Variants in COL19A1 observed in about 807,000 individuals in gnomAD.
The protein encoded by COL19A1 is collagen type XIX alpha 1 chain.
In COL19A1, 159 loss-of-function variants were observed where a neutral mutation model predicts 190.2. The ratio of observed to expected loss-of-function variants is 0.84; its 90% CI spans 0.73 to 0.95. The LOEUF is 0.95. Among genes scored for constraint, COL19A1 ranks in the 40% least tolerant of loss-of-function variants. The pLI, the probability that COL19A1 is intolerant of heterozygous loss-of-function variation, is 0.00. For missense variants in COL19A1, 1,418 were observed against 1,431.9 expected, an observed-to-expected ratio of 0.99 and a Z score of 0.16; for synonymous variants, 509 against 458.9, an observed-to-expected ratio of 1.11 and a Z score of -1.39.
chr6:70,146,923 C>T lies in COL19A1; in HGVS notation c.1893+34C>T, dbSNP rs375358018. On this transcript the variant is annotated intron_variant, in intron 27 of 50. Coordinates refer to ENST00000620364, the MANE Select transcript of COL19A1 (RefSeq NM_001858.6). ...AATTCATTCGAGTCCTTGTTGATTC[C>T]AACATTGTGAAACAAAATCCAGTGT... 1.7e-4 allele frequency: 253 copies of T among 1,512,392 alleles called. 1 individual carries two copies. The highest frequency in any genetic ancestry group is 2.2e-4 in the Non-Finnish European group (250 of 1,129,316). The allele number at this position is 1,512,392 out of a possible 1,614,324, so 93.7% of individuals were successfully genotyped here.
chr6:70,189,238 A>G (rs1438147691), intron 47 of COL19A1, among the ~76,000 whole-genome samples: 2 of 152,212 alleles, frequency 1.3e-5, no homozygotes. Context: ...ATTATCACAT[A>G]TCTACACACA....
chr6:69,997,439 G>T (rs1776987668), intron 11 of COL19A1, among the ~76,000 whole-genome samples: 1 of 152,162 alleles, frequency 6.6e-6, no homozygotes, highest in Non-Finnish European at 1.5e-5. Flanking sequence ...ATTTAGCAAA[G>T]ACTTTACAGA....
At chr6:70,182,651 A>T (rs1020734632) in intron 44 of COL19A1, among the ~76,000 whole-genome samples, 5 of 152,172 alleles carry the variant, frequency 3.3e-5, no homozygotes, top group Non-Finnish European at 5.9e-5. Flanking sequence ...ATGTCAAGTG[A>T]ACTGTTTTAA....
At chr6:70,010,553 G>C (rs913717319) in intron 11 of COL19A1, among the ~76,000 whole-genome samples, 1 of 142,070 alleles carries the variant, frequency 7.0e-6, no homozygotes, top group Non-Finnish European at 1.5e-5. Context: ...CCTGGGAAGC[G>C]CAAGGGGTCA....
At chr6:69,985,324 A>G (rs956598735) in intron 11 of COL19A1, among the ~76,000 whole-genome samples, 1 of 152,170 alleles carries the variant, frequency 6.6e-6, no homozygotes, top group Non-Finnish European at 1.5e-5. Flanking sequence ...CCAAACATGA[A>G]AGCAGCATCA....
At chr6:70,053,672 A>G (rs1273925756) in intron 14 of COL19A1, among the ~76,000 whole-genome samples, 1 of 152,204 alleles carries the variant, frequency 6.6e-6, no homozygotes, top group East Asian at 1.9e-4. Context: ...TATAATTCCC[A>G]TAGAAATGAA....
At chr6:70,028,468 C>T (rs111803112) in intron 12 of COL19A1, among the ~76,000 whole-genome samples, 1 of 152,074 alleles carries the variant, frequency 6.6e-6, no homozygotes, top group African/African-American at 2.4e-5. Flanking sequence ...GTCTGGGCAT[C>T]GTGACAACTT....
intron 15 of COL19A1, among the ~76,000 whole-genome samples, chr6:70,080,105 G>A (rs1476374418): frequency 1.3e-5 from 2 of 152,172 alleles, no homozygotes; most frequent in Non-Finnish European, 2.9e-5. Flanking sequence ...TAGAAATAAA[G>A]GCTTATTGCA....
At chr6:70,094,864 A>G (rs1312203969) in intron 15 of COL19A1, among the ~76,000 whole-genome samples, 2 of 152,222 alleles carry the variant, frequency 1.3e-5, no homozygotes, top group Non-Finnish European at 1.5e-5. Context: ...AGATCATTCA[A>G]ATAAAATCAT....
chr6:70,132,647 G>A (rs547961079), intron 18 of COL19A1, among the ~76,000 whole-genome samples: 6 of 152,264 alleles, frequency 3.9e-5, no homozygotes, highest in African/African-American at 9.6e-5. Flanking sequence ...TTGGAATCAC[G>A]TGGAAAGCTT....
At chr6:70,075,974 G>A (rs1231809020) in intron 15 of COL19A1, among the ~76,000 whole-genome samples, 4 of 152,104 alleles carry the variant, frequency 2.6e-5, no homozygotes, top group Admixed American at 2.6e-4. Flanking sequence ...TTTCAAATAG[G>A]ACCCTGAGTC....
At chr6:69,951,423 T>G (rs1774117284) in intron 9 of COL19A1, among the ~76,000 whole-genome samples, 1 of 151,970 alleles carries the variant, frequency 6.6e-6, no homozygotes. Context: ...ATTCTAGCCT[T>G]ACTGTGGGAC....
chr6:69,998,489 TA>T (rs989461658), intron 11 of COL19A1, among the ~76,000 whole-genome samples: 1 of 151,330 alleles, frequency 6.6e-6, no homozygotes, highest in Non-Finnish European at 1.5e-5. Flanking sequence ...ATAAAAATTT[TA>T]AAAAAACTAA....
chr6:70,150,879 T>A (rs1787015377), intron 30 of COL19A1, among the ~76,000 whole-genome samples: 1 of 152,178 alleles, frequency 6.6e-6, no homozygotes, highest in Non-Finnish European at 1.5e-5. Context: ...TCAAGACGTG[T>A]GGCCAAAAGG....
chr6:70,068,460 G>A lies in COL19A1; in HGVS notation c.1208G>A (p.Gly403Glu), dbSNP rs747012964. 18 of 1,600,030 alleles carry A rather than the reference G, an allele frequency of 1.1e-5. No homozygotes were observed. The highest frequency in any genetic ancestry group is 1.5e-5 in the Non-Finnish European group (18 of 1,168,762). ...LGIQGPQGPPGKEGQRGRRGK... is the reference protein window; with the variant it reads ...LGIQGPQGPPEKEGQRGRRGK... ...ATACAAGGCCCCCAAGGTCCACCTG[G>A]AAAAGAGGGTCAGAGGGTAAGTAAA... Residue 403 changes from glycine to glutamate, a missense_variant, in exon 15 of 51, where the codon GGA becomes GAA. Coordinates refer to ENST00000620364, the MANE Select transcript of COL19A1 (RefSeq NM_001858.6).
chr6:70,022,691 T>G (rs79112306), intron 11 of COL19A1, among the ~76,000 whole-genome samples: 1 of 152,188 alleles, frequency 6.6e-6, no homozygotes, highest in Non-Finnish European at 1.5e-5. Context: ...TTGGTTAACA[T>G]TTATCCACTG....
intron 15 of COL19A1, among the ~76,000 whole-genome samples, chr6:70,082,497 C>T (rs1252873054): frequency 3.3e-5 from 5 of 152,114 alleles, no homozygotes; most frequent in African/African-American, 1.2e-4. Context: ...ACTGCAACCT[C>T]CACCTCCCGG....
chr6:70,006,934 A>T (rs1330774035), intron 11 of COL19A1, among the ~76,000 whole-genome samples: 2 of 152,134 alleles, frequency 1.3e-5, no homozygotes, highest in Admixed American at 6.5e-5. Flanking sequence ...AAAATTTCAA[A>T]AAAAGCTAAA....
chr6:70,084,401 G>A (rs912838543), intron 15 of COL19A1, among the ~76,000 whole-genome samples: 4 of 152,204 alleles, frequency 2.6e-5, no homozygotes, highest in African/African-American at 9.7e-5. Context: ...TTCAACCCAT[G>A]AGTTGTGATC....
Sources: allele counts gnomAD v4.1 joint callset (sites outside exome capture counted in the v4.1 genomes callset), GRCh38; gene constraint gnomAD v4.1.1; transcripts MANE v1.5; gene names NCBI Gene and HGNC (gene_info 2026-07-23, HGNC 2026-07-21).